Variants in ZNF644 observed in about 807,000 individuals in gnomAD.
ZNF644 encodes zinc finger protein 644, also known as zinc finger motif enhancer binding protein 2.
In ZNF644, 20 loss-of-function variants were observed where a neutral mutation model predicts 108.0. That is an observed-to-expected ratio of 0.19 (90% CI 0.13 to 0.27). The LOEUF (loss-of-function observed/expected upper bound fraction) is 0.27, where lower values mean the gene tolerates loss of function less well. Among genes scored for constraint, ZNF644 ranks in the 10% least tolerant of loss-of-function variants. The probability of loss-of-function intolerance (pLI) is 1.00; values close to 1 mark genes in which losing one functional copy is unlikely to be tolerated. For synonymous variants in ZNF644, 542 were observed against 539.1 expected (o/e 1.01, Z -0.08); for missense variants, 1,338 against 1,548.9 (o/e 0.86, Z 2.29).
intron 2 of ZNF644, among the ~76,000 whole-genome samples, chr1:90,962,690 A>G (rs1057103665): frequency 6.6e-6 from 1 of 152,062 alleles, no homozygotes; most frequent in African/African-American, 2.4e-5. Context: ...ACATTGTAGG[A>G]TATTTAGCAG....
intron 4 of ZNF644, among the ~76,000 whole-genome samples, chr1:90,924,116 G>C (rs1649763513): frequency 6.6e-6 from 1 of 152,102 alleles, no homozygotes; most frequent in African/African-American, 2.4e-5. Flanking sequence ...TTTATAAACA[G>C]GAATTAGAGG....
intron 2 of ZNF644, among the ~76,000 whole-genome samples, chr1:90,979,268 T>C (rs1656309768): frequency 6.6e-6 from 1 of 152,096 alleles, no homozygotes; most frequent in Admixed American, 6.5e-5. Flanking sequence ...GGTCAGGAGT[T>C]CGAGACTAGC....
chr1:90,963,184 A>G (rs1654507299), intron 2 of ZNF644, among the ~76,000 whole-genome samples: 1 of 152,136 alleles, frequency 6.6e-6, no homozygotes, highest in Non-Finnish European at 1.5e-5. Flanking sequence ...AGAAAGCTCA[A>G]TAGTAATTTT....
At chr1:90,989,620 C>T (rs1444679017) in intron 1 of ZNF644, among the ~76,000 whole-genome samples, 1 of 152,166 alleles carries the variant, frequency 6.6e-6, no homozygotes, top group South Asian at 2.1e-4. Flanking sequence ...TACAAGATAT[C>T]ACCTTACATC....
chr1:90,953,259 G>A (rs983779384), intron 2 of ZNF644, among the ~76,000 whole-genome samples: 24 of 150,592 alleles, frequency 1.6e-4, no homozygotes, highest in Admixed American at 7.3e-4. Context: ...AGTTCCAGAC[G>A]ACTGCAATAA....
At chr1:90,971,420 TTTC>T (rs1391932858) in intron 2 of ZNF644, among the ~76,000 whole-genome samples, 2 of 152,090 alleles carry the variant, frequency 1.3e-5, no homozygotes, top group African/African-American at 4.8e-5. Flanking sequence ...CATTTCTTTC[TTTC>T]TTTTTTTTTG....
intron 1 of ZNF644, among the ~76,000 whole-genome samples, chr1:90,987,584 G>T (rs1657231757): frequency 1.3e-5 from 2 of 151,974 alleles, no homozygotes; most frequent in Non-Finnish European, 2.9e-5. Context: ...GGCTTTGCTA[G>T]AGAATTCTAC....
chr1:90,958,831 A>G (rs1423699052), intron 2 of ZNF644, among the ~76,000 whole-genome samples: 1 of 152,226 alleles, frequency 6.6e-6, no homozygotes, highest in Non-Finnish European at 1.5e-5. Flanking sequence ...AAATGGACCA[A>G]CAATCTGAAT....
At chr1:90,998,836 T>C (rs1026567873) in intron 1 of ZNF644, among the ~76,000 whole-genome samples, 1 of 152,034 alleles carries the variant, frequency 6.6e-6, no homozygotes, top group Non-Finnish European at 1.5e-5. Context: ...GAATAACCAG[T>C]GTAGAGAAGT....
intron 1 of ZNF644, among the ~76,000 whole-genome samples, chr1:91,012,474 TCTCAAAAGAAAAAA>T (rs1023116628): frequency 2.0e-5 from 3 of 151,412 alleles, no homozygotes; most frequent in African/African-American, 7.3e-5. Context: ...TGAGACCCTG[TCTCAAAAGAAAAAA>T]AAAGGAAGGA....
chr1:90,955,692 G>C (rs1184884557), intron 2 of ZNF644, among the ~76,000 whole-genome samples: 3 of 152,188 alleles, frequency 2.0e-5, no homozygotes, highest in Non-Finnish European at 2.9e-5. Flanking sequence ...TTTTGATCTG[G>C]ATTAAGCTTT....
At chr1:90,927,576 G>A (rs539295211) in intron 4 of ZNF644, among the ~76,000 whole-genome samples, 3 of 152,128 alleles carry the variant, frequency 2.0e-5, no homozygotes, top group South Asian at 4.1e-4. Context: ...CAGTCACCTA[G>A]AGAATTTACT....
At chr1:90,929,617 T>G (rs749806661) in intron 4 of ZNF644, among the ~76,000 whole-genome samples, 1 of 152,210 alleles carries the variant, frequency 6.6e-6, no homozygotes, top group South Asian at 2.1e-4. Flanking sequence ...TAATGCACAT[T>G]GGGAAGCTTT....
intron 1 of ZNF644, among the ~76,000 whole-genome samples, chr1:91,014,196 C>T (rs1010014095): frequency 2.0e-5 from 3 of 152,112 alleles, no homozygotes; most frequent in Non-Finnish European, 2.9e-5. Context: ...GGTGTGAACA[C>T]TTAAAATGTA....
chr1:91,013,084 G>GT (rs997051840), intron 1 of ZNF644, among the ~76,000 whole-genome samples: 2 of 151,502 alleles, frequency 1.3e-5, no homozygotes, highest in East Asian at 1.9e-4. Context: ...TTTTTCTTTT[G>GT]TTTTTTGGAG....
chr1:90,983,797 C>T (rs546638954), intron 1 of ZNF644, among the ~76,000 whole-genome samples: 10 of 152,246 alleles, frequency 6.6e-5, no homozygotes, highest in African/African-American at 2.2e-4. Flanking sequence ...CGTGGTGGCA[C>T]GCGCCCGTAG....
At chr1:90,964,752 G>C (rs1370710895) in intron 2 of ZNF644, among the ~76,000 whole-genome samples, 1 of 152,088 alleles carries the variant, frequency 6.6e-6, no homozygotes, top group Non-Finnish European at 1.5e-5. Context: ...ATTTAAATAA[G>C]ACTGTGAAGT....
chr1:90,935,281 G>A (rs1349917003), intron 4 of ZNF644: 1 of 736,020 alleles, frequency 1.4e-6, no homozygotes, highest in East Asian at 1.3e-4. Context: ...AATTCAATGG[G>A]TATTCAGACT....
intron 1 of ZNF644, among the ~76,000 whole-genome samples, chr1:90,993,648 G>GAA (rs1464649532): frequency 2.6e-5 from 4 of 152,096 alleles, no homozygotes; most frequent in African/African-American, 9.6e-5. Flanking sequence ...AGACAAGGGG[G>GAA]GAAAAAGGAA....
Sources: gnomAD v4.1 joint callset for allele counts (sites outside exome capture counted in the v4.1 genomes callset) on GRCh38, gnomAD v4.1.1 for gene constraint, MANE v1.5 for transcripts, NCBI Gene and HGNC (gene_info 2026-07-23, HGNC 2026-07-21) for gene names.